CTNNA3: variants seen among roughly 807,000 people sequenced by gnomAD.
The protein encoded by CTNNA3 is catenin alpha 3, also known as catenin alpha-3.
A neutral mutation model predicts 95.7 loss-of-function variants in CTNNA3; 76 were observed. The ratio of observed to expected loss-of-function variants is 0.79; its 90% confidence interval spans 0.66 to 0.96. CTNNA3 has a LOEUF of 0.96. Among genes scored for constraint, CTNNA3 ranks in the 40% least tolerant of loss-of-function variants. The pLI, the probability that CTNNA3 is intolerant of heterozygous loss-of-function variation, is 0.00. For synonymous variants in CTNNA3, 431 were observed against 374.4 expected, an observed-to-expected ratio of 1.15 and a Z score of -1.74; for missense variants, 1,191 against 1,089.8, an observed-to-expected ratio of 1.09 and a Z score of -1.31.
At chr10:66,257,552 A>G (rs1439556668) in intron 13 of CTNNA3, among the ~76,000 whole-genome samples, 2 of 152,216 alleles carry the variant, frequency 1.3e-5, no homozygotes, top group Non-Finnish European at 2.9e-5. Context: ...ACAGAAACTC[A>G]AACTCTAAAA....
chr10:65,998,195 T>C (rs1216632545), intron 15 of CTNNA3, among the ~76,000 whole-genome samples: 1 of 152,112 alleles, frequency 6.6e-6, no homozygotes, highest in Non-Finnish European at 1.5e-5. Flanking sequence ...GTTTCCGGAG[T>C]GAGTGACCAT....
chr10:66,757,353 T>C (rs996174419), intron 9 of CTNNA3, among the ~76,000 whole-genome samples: 5 of 152,164 alleles, frequency 3.3e-5, no homozygotes, highest in African/African-American at 9.7e-5. Flanking sequence ...TATTAGGAAC[T>C]CAATAGCCTA....
chr10:67,234,708 A>G (rs570702372), intron 5 of CTNNA3, among the ~76,000 whole-genome samples: 2 of 152,256 alleles, frequency 1.3e-5, no homozygotes, highest in Admixed American at 6.5e-5. Flanking sequence ...AATTAAGAAA[A>G]GAGGAAGTCA....
intron 2 of CTNNA3, among the ~76,000 whole-genome samples, chr10:67,634,723 G>T (rs1839250442): frequency 6.6e-6 from 1 of 152,100 alleles, no homozygotes; most frequent in African/African-American, 2.4e-5. Flanking sequence ...GATCAAAAAA[G>T]ACAAAGAAGG....
chr10:67,100,170 T>C (rs1299158458), intron 7 of CTNNA3, among the ~76,000 whole-genome samples: 1 of 151,744 alleles, frequency 6.6e-6, no homozygotes, highest in Non-Finnish European at 1.5e-5. Flanking sequence ...TACAAGTGTA[T>C]GCCCTTGATT....
intron 7 of CTNNA3, among the ~76,000 whole-genome samples, chr10:66,812,819 T>G (rs1224933668): frequency 6.6e-6 from 1 of 152,156 alleles, no homozygotes. Flanking sequence ...AACTGCAAAT[T>G]TATCACAATT....
intron 13 of CTNNA3, among the ~76,000 whole-genome samples, chr10:66,163,442 G>A (rs1364082997): frequency 6.6e-6 from 1 of 152,038 alleles, no homozygotes; most frequent in Non-Finnish European, 1.5e-5. Context: ...TCATCTCCAG[G>A]TAAAGTCAGA....
intron 9 of CTNNA3, among the ~76,000 whole-genome samples, chr10:66,723,379 C>T (rs185028831): frequency 2.8e-4 from 43 of 152,246 alleles, no homozygotes; most frequent in Admixed American, 1.2e-3. Flanking sequence ...CAATCCTCTA[C>T]GAATGGAAGC....
At chr10:65,935,839 G>A (rs2077328709) in intron 17 of CTNNA3, among the ~76,000 whole-genome samples, 1 of 152,018 alleles carries the variant, frequency 6.6e-6, no homozygotes, top group Non-Finnish European at 1.5e-5. Context: ...GAAGGCTAGG[G>A]GTATTTTCAG....
intron 5 of CTNNA3, among the ~76,000 whole-genome samples, chr10:67,248,944 C>T (rs910526987): frequency 2.6e-5 from 4 of 152,078 alleles, no homozygotes; most frequent in Non-Finnish European, 5.9e-5. Context: ...AAATTGCAAC[C>T]TCAGGCATAA....
intron 7 of CTNNA3, among the ~76,000 whole-genome samples, chr10:66,941,735 G>A (rs941010790): frequency 2.0e-5 from 3 of 152,288 alleles, no homozygotes; most frequent in South Asian, 2.1e-4. Context: ...AATTCAAGCC[G>A]CGTGAGCTGA....
intron 4 of CTNNA3, among the ~76,000 whole-genome samples, chr10:67,534,248 A>G (rs1156313922): frequency 1.3e-5 from 2 of 152,138 alleles, no homozygotes; most frequent in Non-Finnish European, 2.9e-5. Context: ...CCAAAAATCT[A>G]TAATAGATTA....
intron 5 of CTNNA3, among the ~76,000 whole-genome samples, chr10:67,228,675 A>G (rs980790776): frequency 1.3e-5 from 2 of 152,176 alleles, no homozygotes; most frequent in South Asian, 4.1e-4. Flanking sequence ...ACAAAAGATC[A>G]TTCAAGGCTA....
chr10:67,231,121 C>A (rs1238035466), intron 5 of CTNNA3, among the ~76,000 whole-genome samples: 2 of 152,182 alleles, frequency 1.3e-5, no homozygotes, highest in Admixed American at 1.3e-4. Flanking sequence ...ATTGCCCAGG[C>A]CTGCTTAGGT....
At position 67,750,257 on chromosome 10, in the gene CTNNA3, T is replaced by C. The variant is rs1022146951; in HGVS notation, c.-2+13177A>G. The C allele has an allele frequency of 6.7e-6, 10 of 1,496,860 alleles. No individual in the cohort carries two copies. In the Admixed American group the frequency reaches 1.3e-4, roughly 20 times the overall value. The allele number at this position is 1,496,860 out of a possible 1,614,324, so 92.7% of individuals were successfully genotyped here. On this transcript the variant is annotated intron_variant, in intron 1 of 17. Coordinates refer to the CTNNA3 transcript ENST00000684154. The stretch of plus-strand genomic sequence containing the variant: ...CAGCAGGACGTGAGACTTCTAGTGC[T>C]CACTCAGAATCATTTCTGCACCAAC...
intron 7 of CTNNA3, among the ~76,000 whole-genome samples, chr10:66,838,982 G>A (rs921948893): frequency 1.2e-4 from 18 of 152,004 alleles, no homozygotes; most frequent in South Asian, 4.1e-4. Flanking sequence ...TCTCTTTGGC[G>A]AAGACTTTTG....
intron 7 of CTNNA3, among the ~76,000 whole-genome samples, chr10:67,074,768 T>A (rs1335939681): frequency 1.3e-5 from 2 of 152,170 alleles, no homozygotes; most frequent in Non-Finnish European, 2.9e-5. Context: ...AAGACATGTA[T>A]ATAAAACCAC....
intron 3 of CTNNA3, among the ~76,000 whole-genome samples, chr10:67,602,219 A>G (rs1843104872): frequency 6.6e-6 from 1 of 152,006 alleles, no homozygotes; most frequent in South Asian, 2.1e-4. Context: ...AAAGCAGGAA[A>G]CTACTTAAAA....
intron 12 of CTNNA3, among the ~76,000 whole-genome samples, chr10:66,303,277 A>C (rs981519241): frequency 6.6e-6 from 1 of 152,182 alleles, no homozygotes; most frequent in Admixed American, 6.5e-5. Context: ...CCCAGAGCAA[A>C]GGTTAAGAAT....
Sources: gnomAD v4.1 joint callset for allele counts (sites outside exome capture counted in the v4.1 genomes callset) on GRCh38, gnomAD v4.1.1 for gene constraint, MANE v1.5 for transcripts, NCBI Gene and HGNC (gene_info 2026-07-23, HGNC 2026-07-21) for gene names.